MACF1: variants seen among roughly 807,000 people sequenced by gnomAD.
MACF1 encodes the protein microtubule actin crosslinking factor 1, also known as microtubule-actin cross-linking factor 1.
MACF1 carries 193 observed loss-of-function variants against 854.8 expected under a neutral mutation model. The ratio of observed to expected loss-of-function variants is 0.23; its 90% confidence interval spans 0.20 to 0.25. The LOEUF is 0.25. Among genes scored for constraint, MACF1 ranks in the 10% least tolerant of loss-of-function variants. The probability of loss-of-function intolerance (pLI) is 1.00; values close to 1 mark genes in which losing one functional copy is unlikely to be tolerated. For missense variants in MACF1, 7,722 were observed against 8,929.1 expected, an observed-to-expected ratio of 0.86 and a Z score of 5.45; for synonymous variants, 3,185 against 3,226.7, an observed-to-expected ratio of 0.99 and a Z score of 0.44.
chr1:39,288,799 A>G (rs922198203), intron 15 of MACF1, among the ~76,000 whole-genome samples: 2 of 152,210 alleles, frequency 1.3e-5, no homozygotes, highest in Non-Finnish European at 2.9e-5. Context: ...CTCAAAAATA[A>G]AACATTAAAC....
At chr1:39,218,087 G>T (rs1370790763) in intron 1 of MACF1, among the ~76,000 whole-genome samples, 1 of 149,574 alleles carries the variant, frequency 6.7e-6, no homozygotes, top group Non-Finnish European at 1.5e-5. Flanking sequence ...GGAGGCTGAG[G>T]CAGGAGAATG....
chr1:39,244,040 T>C (rs1045701120), intron 2 of MACF1, among the ~76,000 whole-genome samples: 1 of 152,078 alleles, frequency 6.6e-6, no homozygotes, highest in Non-Finnish European at 1.5e-5. Context: ...AAAATCTCTT[T>C]GCATTCTCCT....
At chr1:39,394,266 GATTGATTGATTT>G (rs1211245798) in intron 58 of MACF1, among the ~76,000 whole-genome samples, 30 of 149,358 alleles carry the variant, frequency 2.0e-4, no homozygotes, top group African/African-American at 6.1e-4. Flanking sequence ...TTGATTGATT[GATTGATTGATTT>G]ATTGCCACAT....
chr1:39,365,849 T>C (rs187506715), intron 49 of MACF1, among the ~76,000 whole-genome samples: 91 of 152,166 alleles, frequency 6.0e-4, no homozygotes, highest in Admixed American at 2.3e-3. Flanking sequence ...CTAATTTTTG[T>C]ATTTTTAGCA....
chr1:39,153,565 C>T (rs537903501), intron 2 of MACF1, among the ~76,000 whole-genome samples: 6 of 152,104 alleles, frequency 3.9e-5, no homozygotes, highest in African/African-American at 1.2e-4. Context: ...CTTGTTGGGC[C>T]GTGAAGCATA....
intron 97 of MACF1, among the ~76,000 whole-genome samples, chr1:39,477,071 A>ACACACACACATATATACACTTAG (rs1469765880): frequency 5.9e-5 from 1 of 16,810 alleles, no homozygotes; most frequent in Non-Finnish European, 1.0e-4. Flanking sequence ...ATATATATAT[A>ACACACACACATATATACACTTAG]TATATATATA....
At chr1:39,128,081 C>T (rs1336268547) in intron 2 of MACF1, among the ~76,000 whole-genome samples, 2 of 152,172 alleles carry the variant, frequency 1.3e-5, no homozygotes, top group African/African-American at 4.8e-5. Context: ...CAGGTTTTTT[C>T]TTGCCAGGCT....
chr1:39,459,745 T>C (rs1008884138), intron 91 of MACF1: 205 of 1,032,398 alleles, frequency 2.0e-4, no homozygotes, highest in Middle Eastern at 8.7e-4. Flanking sequence ...ATAAAAAATA[T>C]AGTACTATGC....
chr1:39,313,168 G>A (rs1175906172), intron 26 of MACF1, among the ~76,000 whole-genome samples: 1 of 152,086 alleles, frequency 6.6e-6, no homozygotes, highest in Non-Finnish European at 1.5e-5. Context: ...CCTGATTAGT[G>A]TTAGGTCTTA....
chr1:39,285,271 A>G lies in MACF1; in HGVS notation c.1260-26A>G, dbSNP rs201921008. The G allele has an allele frequency of 3.7e-6, 6 of 1,614,210 alleles. No individual in the cohort carries two copies. The South Asian group carries it at 5.5e-5, about 15-fold the overall frequency. The stretch of plus-strand genomic sequence containing the variant: ...TATTGAGCTGCTGTGAACCTTGCAC[A>G]TGACTATGGTTTTATCTTATTTCAG... On this transcript the variant is annotated intron_variant, in intron 12 of 100. Coordinates refer to ENST00000564288, the MANE Select transcript of MACF1 (RefSeq NM_001394062.1).
chr1:39,318,326 C>T (rs543892802), intron 29 of MACF1, 127 bp from the exon 30 acceptor site: 23 of 794,590 alleles, frequency 2.9e-5, no homozygotes, highest in Admixed American at 4.9e-5. Context: ...CGCTGTTCCC[C>T]GTAGATAAAG....
At chr1:39,240,482 A>C (rs1644909054) in intron 2 of MACF1, among the ~76,000 whole-genome samples, 1 of 152,088 alleles carries the variant, frequency 6.6e-6, no homozygotes, top group South Asian at 2.1e-4. Flanking sequence ...CTGCCTATCA[A>C]AGTAAAGCTA....
intron 2 of MACF1, among the ~76,000 whole-genome samples, chr1:39,117,233 G>T (rs74069440): frequency 0.062 from 9,402 of 151,442 alleles, 481 homozygotes; most frequent in African/African-American, 0.14. Context: ...TACTTGCTTG[G>T]TTTTTTTTCA....
Position 39,340,618 on chromosome 1 carries a change from A to G in MACF1, c.10332A>G (p.Leu3444=). The change falls in exon 39 of 101, where the codon CTA becomes CTG. Residue 3444 remains leucine, a synonymous_variant. Coordinates refer to ENST00000564288, the MANE Select transcript of MACF1 (RefSeq NM_001394062.1). ...QEVPAQLLKA[L]EKDAKNLQKS... The stretch of plus-strand genomic sequence containing the variant: ...TTCCTGCTCAACTGTTGAAGGCTCT[A>G]GAGAAAGATGCCAAGAATCTTCAGA... The G allele has an allele frequency of 6.2e-7, 1 of 1,614,218 alleles. No homozygotes were observed. The highest frequency in any genetic ancestry group is 8.5e-7 in the Non-Finnish European group (1 of 1,180,026).
In MACF1 at chr1:39,480,982, C is replaced by G; in HGVS notation, c.22233C>G (p.Thr7411=). The G allele has an allele frequency of 6.4e-7, 1 of 1,550,754 alleles. No individual in the cohort carries two copies. The highest frequency in any genetic ancestry group is 8.7e-7 in the Non-Finnish European group (1 of 1,147,012). Residue 7411 remains threonine, a synonymous_variant, in exon 99 of 101, where the codon ACC becomes ACG. Transcript: ENST00000564288. ...GGTTGGTAAACAGTAAAGCTGGCAC[C>G]CCTATCAGGGACAGCCATTCTCCTG... ...KPWLVNSKAG[T]PIRDSHSPDL...
intron 53 of MACF1, 43 bp from the exon 54 acceptor site, chr1:39,379,160 C>G (rs372615482): frequency 7.9e-6 from 12 of 1,527,062 alleles, no homozygotes; most frequent in African/African-American, 1.4e-5. Flanking sequence ...GGAGCATACT[C>G]GAAGAGCTGT....
chr1:39,296,780 GAAA>G (rs753759666), intron 20 of MACF1, among the ~76,000 whole-genome samples: 1 of 71,706 alleles, frequency 1.4e-5, no homozygotes, highest in South Asian at 5.2e-4. Flanking sequence ...GGAAAAGAAA[GAAA>G]GAAAGAAAGG....
chr1:39,444,126 G>A lies in MACF1; in HGVS notation c.19432-536G>A, dbSNP rs1478927738. Among the ~76,000 whole-genome samples, 10 of 152,136 alleles carry A rather than the reference G, an allele frequency of 6.6e-5. 1 individual carries two copies. The highest frequency in any genetic ancestry group is 6.5e-4 in the Admixed American group (10 of 15,270). ...CGAGGTGGGTGGATCATGAGGTCAG[G>A]AGATCAAGACCATCCTGGCTAACAT... On this transcript the variant is annotated intron_variant, in intron 79 of 100. Coordinates refer to ENST00000564288, the MANE Select transcript of MACF1 (RefSeq NM_001394062.1).
chr1:39,385,519 A>G lies in MACF1; in HGVS notation c.13934A>G (p.Asp4645Gly), dbSNP rs764849620. The G allele has an allele frequency of 1.2e-6, 2 of 1,614,028 alleles. No individual in the cohort carries two copies. The highest frequency in any genetic ancestry group is 3.3e-5 in the Admixed American group (2 of 59,992). ...AAQGILTGPG[D>G]VSLSTSQVQK... ...CAGGGCATCCTAACAGGCCCTGGAG[A>G]TGTCTCTCTGTCCACCAGCCAAGTA... The change falls in exon 57 of 101, where the codon GAT (aspartate) becomes GGT (glycine). Residue 4645 changes from aspartate to glycine, a missense_variant. This residue lies in a region of MACF1 where 2,807 missense variants were observed against 3,235.8 expected (regional missense o/e 0.87). Coordinates refer to ENST00000564288, the MANE Select transcript of MACF1 (RefSeq NM_001394062.1).
Sources: gnomAD v4.1 joint callset for allele counts (sites outside exome capture counted in the v4.1 genomes callset) on GRCh38, gnomAD v4.1.1 for gene constraint, gnomAD v4.1.1 regional missense constraint, MANE v1.5 for transcripts, NCBI Gene and HGNC (gene_info 2026-07-23, HGNC 2026-07-21) for gene names.